The following LOC128092252 variants were observed in gnomAD, a reference collection of about 807,000 sequenced individuals.
the LOC128092252 span, among the ~76,000 whole-genome samples, chr15:50,677,993 A>C: frequency 6.6e-6 from 1 of 152,006 alleles, no homozygotes; most frequent in Non-Finnish European, 1.5e-5. Context: ...TAATCCCAGC[A>C]CTTTGGGAGG....
At chr15:50,684,138 G>A in the LOC128092252 span, among the ~76,000 whole-genome samples, 2 of 150,152 alleles carry the variant, frequency 1.3e-5, no homozygotes, top group African/African-American at 4.9e-5. Context: ...GGATTACTGC[G>A]CCCCACCTGA....
the LOC128092252 span, among the ~76,000 whole-genome samples, chr15:50,656,020 A>C: frequency 6.6e-6 from 1 of 151,842 alleles, no homozygotes; most frequent in Non-Finnish European, 1.5e-5. Context: ...AAAAAAAAAA[A>C]ACCCCTGCTG....
the LOC128092252 span, among the ~76,000 whole-genome samples, chr15:50,684,867 G>A: frequency 6.6e-6 from 1 of 152,152 alleles, no homozygotes; most frequent in Non-Finnish European, 1.5e-5. Flanking sequence ...TTTGTAACCT[G>A]ATTCTAACAA....
At chr15:50,656,931 T>C in the LOC128092252 span, among the ~76,000 whole-genome samples, 1 of 152,210 alleles carries the variant, frequency 6.6e-6, no homozygotes, top group Non-Finnish European at 1.5e-5. Context: ...CAAAAACATC[T>C]TACTTCAGGT....
the LOC128092252 span, among the ~76,000 whole-genome samples, chr15:50,665,923 G>A: frequency 1.3e-5 from 2 of 152,064 alleles, no homozygotes; most frequent in African/African-American, 4.8e-5. Flanking sequence ...AACGTGGAAG[G>A]CAGAGCTTGC....
chr15:50,677,738 C>CAAAAAA, the LOC128092252 span, among the ~76,000 whole-genome samples: 45 of 38,024 alleles, frequency 1.2e-3, no homozygotes, highest in African/African-American at 2.1e-3. Flanking sequence ...GACCCCGTAT[C>CAAAAAA]AAAAAAAAAA....
chr15:50,667,222 G>T, the LOC128092252 span, among the ~76,000 whole-genome samples: 1 of 152,112 alleles, frequency 6.6e-6, no homozygotes, highest in African/African-American at 2.4e-5. Context: ...TAGAAGCTGT[G>T]CCTGATTACT....
chr15:50,657,500 G>A, the LOC128092252 span, among the ~76,000 whole-genome samples: 726 of 152,192 alleles, frequency 4.8e-3, 5 homozygotes, highest in African/African-American at 0.017. Flanking sequence ...ACAGAACCAT[G>A]ATGTCTTTCA....
chr15:50,662,078 G>A, the LOC128092252 span, among the ~76,000 whole-genome samples: 2 of 152,096 alleles, frequency 1.3e-5, no homozygotes, highest in Non-Finnish European at 2.9e-5. Context: ...ACTAGGGCTG[G>A]GCGCGGTGGC....
the LOC128092252 span, among the ~76,000 whole-genome samples, chr15:50,674,715 C>T: frequency 6.6e-6 from 1 of 152,154 alleles, no homozygotes; most frequent in African/African-American, 2.4e-5. Context: ...TTTCTTGTAA[C>T]ACAGGTCTAG....
the LOC128092252 span, among the ~76,000 whole-genome samples, chr15:50,666,356 T>C: frequency 1.3e-5 from 2 of 151,684 alleles, no homozygotes; most frequent in East Asian, 3.9e-4. Flanking sequence ...CAGAGGATCA[T>C]CTGAACCCAG....
the LOC128092252 span, among the ~76,000 whole-genome samples, chr15:50,667,627 A>C: frequency 6.6e-6 from 1 of 152,210 alleles, no homozygotes; most frequent in African/African-American, 2.4e-5. Flanking sequence ...GAATCGCTTG[A>C]ACCCAGGAGG....
the LOC128092252 span, among the ~76,000 whole-genome samples, chr15:50,655,882 G>C: frequency 6.6e-6 from 1 of 151,600 alleles, no homozygotes; most frequent in African/African-American, 2.4e-5. Flanking sequence ...CCCAGCTTCT[G>C]GGGAGGCTGA....
the LOC128092252 span, among the ~76,000 whole-genome samples, chr15:50,683,510 G>A: frequency 6.6e-6 from 1 of 151,598 alleles, no homozygotes; most frequent in Non-Finnish European, 1.5e-5. Context: ...CGAGGCGGGT[G>A]GATCACCTGG....
chr15:50,679,526 A>AT, the LOC128092252 span, among the ~76,000 whole-genome samples: 16 of 46,188 alleles, frequency 3.5e-4, no homozygotes, highest in African/African-American at 1.1e-3. Flanking sequence ...ATATATATAT[A>AT]TATATATATA....
the LOC128092252 span, among the ~76,000 whole-genome samples, chr15:50,685,903 C>T: frequency 6.6e-6 from 1 of 152,112 alleles, no homozygotes; most frequent in Non-Finnish European, 1.5e-5. Flanking sequence ...ACAGAAGCCT[C>T]CCCCCACCCA....
chr15:50,652,658 T>A, the LOC128092252 span, among the ~76,000 whole-genome samples: 43 of 32,726 alleles, frequency 1.3e-3, no homozygotes, highest in African/African-American at 3.5e-3. Flanking sequence ...AAAAAATCGT[T>A]TAAGTGGGTA....
At chr15:50,648,825 T>G in the LOC128092252 span, 1 of 1,613,216 alleles carries the variant, frequency 6.2e-7, no homozygotes, top group Non-Finnish European at 8.5e-7. Context: ...CATCTGAGTA[T>G]TTCATGGCAA....
the LOC128092252 span, among the ~76,000 whole-genome samples, chr15:50,683,461 T>G: frequency 0.59 from 88,849 of 150,890 alleles, 26,252 homozygotes; most frequent in African/African-American, 0.65. Context: ...GAAGCCAGGG[T>G]CAGTGGCTCA....
Sources: allele counts gnomAD v4.1 joint callset (sites outside exome capture counted in the v4.1 genomes callset), GRCh38; gene constraint gnomAD v4.1.1; transcripts MANE v1.5.